The following ADARB2 variants were observed in gnomAD, a reference collection of about 807,000 sequenced individuals.
The protein encoded by ADARB2 is adenosine deaminase RNA specific B2 (inactive).
ADARB2 carries 25 observed loss-of-function variants against 62.2 expected under a neutral mutation model. The ratio of observed to expected loss-of-function variants is 0.40; its 90% CI spans 0.29 to 0.56. ADARB2 has a LOEUF of 0.56. Among genes scored for constraint, ADARB2 ranks in the 20% least tolerant of loss-of-function variants. ADARB2 has a pLI of 0.43. For synonymous variants in ADARB2, 572 were observed against 500.8 expected (o/e 1.14, Z -1.90); for missense variants, 1,071 against 1,077.4 (o/e 0.99, Z 0.08).
chr10:1,186,629 G>A, intron 8 of ADARB2: 1 of 505,618 alleles, frequency 2.0e-6, no homozygotes. Context: ...TTGGAGGCGA[G>A]CGGGGCCCCT....
intron 1 of ADARB2, among the ~76,000 whole-genome samples, chr10:1,456,303 C>T (rs1831095305): frequency 6.6e-6 from 1 of 152,146 alleles, no homozygotes; most frequent in African/African-American, 2.4e-5. Flanking sequence ...GAAGTACCTG[C>T]CCGTGAGAGC....
At chr10:1,610,589 G>A (rs577849505) in intron 1 of ADARB2, among the ~76,000 whole-genome samples, 5 of 152,202 alleles carry the variant, frequency 3.3e-5, no homozygotes, top group Non-Finnish European at 7.3e-5. Context: ...TGCTGAGCCG[G>A]GAATAAGGGG....
intron 7 of ADARB2, among the ~76,000 whole-genome samples, chr10:1,206,788 G>A (rs1163298337): frequency 2.0e-5 from 3 of 152,120 alleles, no homozygotes; most frequent in African/African-American, 4.8e-5. Context: ...GCCCGGCCTC[G>A]TGTTTTCTCT....
At chr10:1,371,816 G>A (rs1277332663) in intron 2 of ADARB2, among the ~76,000 whole-genome samples, 1 of 147,412 alleles carries the variant, frequency 6.8e-6, no homozygotes, top group Admixed American at 6.7e-5. Context: ...AATCCAACAT[G>A]TTTGTGTGGA....
At chr10:1,411,698 C>A (rs958762988) in intron 1 of ADARB2, among the ~76,000 whole-genome samples, 1 of 152,058 alleles carries the variant, frequency 6.6e-6, no homozygotes, top group African/African-American at 2.4e-5. Context: ...TGAGCTCCGC[C>A]GGCAAGAAGC....
At chr10:1,691,095 G>A (rs1362022700) in intron 1 of ADARB2, among the ~76,000 whole-genome samples, 2 of 152,114 alleles carry the variant, frequency 1.3e-5, no homozygotes, top group Admixed American at 1.3e-4. Flanking sequence ...ACTGTATTTG[G>A]ACATACCACC....
chr10:1,205,707 T>C (rs1290348165), intron 7 of ADARB2, among the ~76,000 whole-genome samples: 1 of 152,270 alleles, frequency 6.6e-6, no homozygotes, highest in Non-Finnish European at 1.5e-5. Flanking sequence ...CGGAAACTGC[T>C]GGAGCAGAGA....
Position 1,585,983 on chromosome 10 carries a change from A to G in ADARB2, c.100+151068T>C, listed in dbSNP as rs368416485. Among the ~76,000 whole-genome samples, 209 of 152,242 alleles carry G rather than the reference A, an allele frequency of 1.4e-3. 3 individuals are homozygous for G. The East Asian group carries it at 0.02, about 15-fold the overall frequency. ...TGGGAGGCGGAGCTTGCAGTGAGCC[A>G]AGATAGCGCCACTGCACTCCAGCCT... On this transcript the variant is annotated intron_variant, in intron 1 of 9. Transcript: ENST00000381312.
At chr10:1,560,405 C>G (rs1832769904) in intron 1 of ADARB2, among the ~76,000 whole-genome samples, 1 of 152,096 alleles carries the variant, frequency 6.6e-6, no homozygotes, top group South Asian at 2.1e-4. Context: ...TTTCAATGAC[C>G]CTGGTGCACC....
At chr10:1,368,031 A>T (rs1162279937) in intron 2 of ADARB2, among the ~76,000 whole-genome samples, 1 of 151,992 alleles carries the variant, frequency 6.6e-6, no homozygotes, top group Non-Finnish European at 1.5e-5. Context: ...ATATCACCTG[A>T]TTAGGGTTTG....
intron 1 of ADARB2, among the ~76,000 whole-genome samples, chr10:1,466,487 C>T (rs533467804): frequency 6.6e-6 from 1 of 152,174 alleles, no homozygotes; most frequent in African/African-American, 2.4e-5. Context: ...TTGCGACGGC[C>T]GCACACATGG....
chr10:1,676,471 G>A lies in ADARB2; in HGVS notation c.100+60580C>T, dbSNP rs75554136. On this transcript the variant is annotated intron_variant, in intron 1 of 9. Coordinates refer to ENST00000381312, the MANE Select transcript of ADARB2 (RefSeq NM_018702.4). ...GCTTTTAAAGAAAAATAGCTTTAAT[G>A]GTGCACCTGAGAGTGACATAAGCAT... Among the ~76,000 whole-genome samples, 761 of 152,240 alleles carry A rather than the reference G, an allele frequency of 5.0e-3. 6 individuals are homozygous for A. The highest frequency in any genetic ancestry group is 0.017 in the African/African-American group (726 of 41,532).
chr10:1,206,754 C>G (rs1221895904), intron 7 of ADARB2, among the ~76,000 whole-genome samples: 2 of 152,182 alleles, frequency 1.3e-5, no homozygotes, highest in Non-Finnish European at 2.9e-5. Flanking sequence ...TGCGTCGTTG[C>G]TGAGCATCCC....
chr10:1,431,283 C>A (rs1480573825), intron 1 of ADARB2, among the ~76,000 whole-genome samples: 1 of 152,068 alleles, frequency 6.6e-6, no homozygotes, highest in Non-Finnish European at 1.5e-5. Flanking sequence ...AATAGAAAGA[C>A]AACAGAAAAG....
chr10:1,625,674 A>C (rs1444299628), intron 1 of ADARB2, among the ~76,000 whole-genome samples: 1 of 152,162 alleles, frequency 6.6e-6, no homozygotes, highest in Non-Finnish European at 1.5e-5. Context: ...ACACATGTCC[A>C]CTGACCATCA....
chr10:1,596,208 ACT>A (rs1381566195), intron 1 of ADARB2, among the ~76,000 whole-genome samples: 1 of 152,240 alleles, frequency 6.6e-6, no homozygotes, highest in East Asian at 1.9e-4. Flanking sequence ...TTGAAGTGGT[ACT>A]CAATGGCAAT....
intron 3 of ADARB2, among the ~76,000 whole-genome samples, chr10:1,319,602 T>C (rs912657496): frequency 1.4e-5 from 2 of 140,490 alleles, no homozygotes; most frequent in Non-Finnish European, 3.2e-5. Context: ...ATTCCTCTTA[T>C]ATCAGAACTT....
chr10:1,320,360 G>C (rs191436046), intron 3 of ADARB2, among the ~76,000 whole-genome samples: 87 of 152,324 alleles, frequency 5.7e-4, no homozygotes, highest in African/African-American at 1.9e-3. Context: ...AGATCATCCA[G>C]ATTTAGGGTC....
chr10:1,380,053 A>G (rs1270190690), intron 1 of ADARB2, among the ~76,000 whole-genome samples: 2 of 152,208 alleles, frequency 1.3e-5, no homozygotes, highest in Non-Finnish European at 2.9e-5. Flanking sequence ...CACCACCTAA[A>G]TGAAGCCACC....
Sources: gnomAD v4.1 joint callset for allele counts (sites outside exome capture counted in the v4.1 genomes callset) on GRCh38, gnomAD v4.1.1 for gene constraint, MANE v1.5 for transcripts, NCBI Gene and HGNC (gene_info 2026-07-23, HGNC 2026-07-21) for gene names.